The following SPECC1L variants were observed in gnomAD, a reference collection of about 807,000 sequenced individuals.
SPECC1L encodes sperm antigen with calponin homology and coiled-coil domains 1 like, also known as cytospin-A.
SPECC1L carries 40 observed loss-of-function variants against 116.8 expected under a neutral mutation model. The ratio of observed to expected loss-of-function variants is 0.34; its 90% CI spans 0.27 to 0.45. The LOEUF (loss-of-function observed/expected upper bound fraction) is 0.45. Among genes scored for constraint, SPECC1L ranks in the 20% least tolerant of loss-of-function variants. SPECC1L has a pLI of 1.00. For synonymous variants in SPECC1L, 504 were observed against 500.6 expected (o/e 1.01, Z -0.09); for missense variants, 1,110 against 1,373.6 (o/e 0.81, Z 3.03).
intron 8 of SPECC1L, among the ~76,000 whole-genome samples, chr22:24,331,280 A>G (rs918340422): frequency 4.6e-5 from 7 of 152,238 alleles, no homozygotes; most frequent in Non-Finnish European, 8.8e-5. Context: ...AACTAACAGT[A>G]TATCTTTAAA....
At chr22:24,396,223 G>C (rs1374907812) in intron 14 of SPECC1L, among the ~76,000 whole-genome samples, 1 of 152,042 alleles carries the variant, frequency 6.6e-6, no homozygotes, top group African/African-American at 2.4e-5. Context: ...CACAACCAGA[G>C]AGGTAGTTAA....
intron 9 of SPECC1L, among the ~76,000 whole-genome samples, chr22:24,335,993 T>A (rs1003337352): frequency 2.6e-5 from 4 of 152,114 alleles, no homozygotes; most frequent in Non-Finnish European, 4.4e-5. Flanking sequence ...TATGTATACA[T>A]ATGTATACAT....
chr22:24,303,363 G>C (rs886671458), intron 3 of SPECC1L, among the ~76,000 whole-genome samples: 1 of 152,186 alleles, frequency 6.6e-6, no homozygotes, highest in African/African-American at 2.4e-5. Flanking sequence ...GTATCATTCT[G>C]TGACCTGGAG....
At chr22:24,370,504 G>A (rs565096006) in intron 14 of SPECC1L, among the ~76,000 whole-genome samples, 1 of 152,308 alleles carries the variant, frequency 6.6e-6, no homozygotes, top group African/African-American at 2.4e-5. Context: ...AACTGCTGTG[G>A]AAAATAGTAT....
intron 14 of SPECC1L, among the ~76,000 whole-genome samples, chr22:24,407,635 C>G (rs1460775868): frequency 2.0e-5 from 3 of 152,210 alleles, no homozygotes; most frequent in Non-Finnish European, 4.4e-5. Context: ...GAGCTCCACA[C>G]GTTATTAAGA....
chr22:24,283,754 A>C (rs1010479010), intron 2 of SPECC1L, among the ~76,000 whole-genome samples: 1 of 152,228 alleles, frequency 6.6e-6, no homozygotes, highest in Non-Finnish European at 1.5e-5. Context: ...TTCAATAACT[A>C]TAGAGCTATT....
At chr22:24,301,461 C>G (rs1365974216) in intron 2 of SPECC1L, among the ~76,000 whole-genome samples, 2 of 152,186 alleles carry the variant, frequency 1.3e-5, no homozygotes, top group African/African-American at 4.8e-5. Context: ...ACATACTGAA[C>G]ATCGTAGCTT....
At chr22:24,385,168 A>G (rs1041810839) in intron 14 of SPECC1L, among the ~76,000 whole-genome samples, 44 of 152,036 alleles carry the variant, frequency 2.9e-4, no homozygotes, top group African/African-American at 1.0e-3. Context: ...TTGATAAAAT[A>G]TATATTTTTT....
At chr22:24,326,316 A>G (rs778250696) in intron 6 of SPECC1L, among the ~76,000 whole-genome samples, 9 of 152,354 alleles carry the variant, frequency 5.9e-5, no homozygotes, top group Non-Finnish European at 1.2e-4. Context: ...TCAACATTAG[A>G]AATTTTTCAG....
intron 14 of SPECC1L, among the ~76,000 whole-genome samples, chr22:24,407,505 G>A (rs1273198259): frequency 1.3e-5 from 2 of 152,218 alleles, no homozygotes; most frequent in Admixed American, 1.3e-4. Flanking sequence ...CCACGACCCT[G>A]CCAGAGCTGC....
chr22:24,303,107 G>A (rs993862198), intron 3 of SPECC1L, among the ~76,000 whole-genome samples: 1 of 152,078 alleles, frequency 6.6e-6, no homozygotes, highest in East Asian at 1.9e-4. Context: ...AGAGGTGTGC[G>A]TATGCATGCA....
chr22:24,352,946 T>C (rs2041455509), intron 11 of SPECC1L, among the ~76,000 whole-genome samples: 1 of 152,228 alleles, frequency 6.6e-6, no homozygotes, highest in African/African-American at 2.4e-5. Flanking sequence ...GGCATTCTTT[T>C]ATATTTGCTT....
intron 2 of SPECC1L, among the ~76,000 whole-genome samples, chr22:24,291,251 C>G (rs1601503983): frequency 2.0e-5 from 3 of 152,206 alleles, no homozygotes; most frequent in Admixed American, 2.0e-4. Context: ...TCTGAAAGTA[C>G]AGATTATGAA....
At chr22:24,306,804 C>T (rs1374914266) in intron 3 of SPECC1L, among the ~76,000 whole-genome samples, 1 of 152,158 alleles carries the variant, frequency 6.6e-6, no homozygotes, top group Non-Finnish European at 1.5e-5. Context: ...TATAATGACT[C>T]CACATTCCCT....
chr22:24,273,999 C>G (rs1192248407), intron 1 of SPECC1L, among the ~76,000 whole-genome samples: 1 of 152,220 alleles, frequency 6.6e-6, no homozygotes, highest in Non-Finnish European at 1.5e-5. Context: ...CTCAGGTGAT[C>G]CGCCTGCCTT....
At chr22:24,373,805 C>G (rs1447074170) in intron 14 of SPECC1L, among the ~76,000 whole-genome samples, 3 of 152,006 alleles carry the variant, frequency 2.0e-5, no homozygotes, top group Non-Finnish European at 4.4e-5. Flanking sequence ...AGCTTCTGCA[C>G]AGCAAAAGAA....
In SPECC1L at chr22:24,338,490, A is replaced by T. The variant is rs1358506334; in HGVS notation, c.2652+13A>T. On this transcript the variant is annotated intron_variant, in intron 10 of 16. Transcript: ENST00000314328. The stretch of plus-strand genomic sequence containing the variant: ...GTCCCCTATGCAGGTGAGTGCCTGG[A>T]ACCACAGGAGGCTCTTAGAGCCTCA... The T allele has an allele frequency of 1.2e-6, 2 of 1,612,722 alleles. No homozygotes were observed. Among genetic ancestry groups the T allele is most frequent in the Admixed American group, 1.7e-5 (1 of 60,022 alleles).
At chr22:24,411,462 C>A in intron 14 of SPECC1L, 126 bp from the exon 15 acceptor site, 1 of 855,288 alleles carries the variant, frequency 1.2e-6, no homozygotes, top group Non-Finnish European at 2.0e-6. Context: ...ACACAGCCGC[C>A]CTGCCCTGGT....
In SPECC1L at chr22:24,322,091, T is replaced by A; in HGVS notation, c.1111T>A (p.Ser371Thr). Residue 371 changes from serine to threonine, a missense_variant, in exon 5 of 17, where the codon TCG (serine) becomes ACG (threonine). Coordinates refer to ENST00000314328, the MANE Select transcript of SPECC1L (RefSeq NM_015330.6). ...GCTGGATGCACCATCCTCCTCAGAG[T>A]CGGAAGGCATCCCCAGCATAGAGCG... ...DALDAPSSSE[S>T]EGIPSIERSR... The A allele has an allele frequency of 6.2e-7, 1 of 1,613,890 alleles. No homozygotes were observed. The highest frequency in any genetic ancestry group is 8.5e-7 in the Non-Finnish European group (1 of 1,179,986).
Sources: allele counts gnomAD v4.1 joint callset (sites outside exome capture counted in the v4.1 genomes callset), GRCh38; gene constraint gnomAD v4.1.1; transcripts MANE v1.5; gene names NCBI Gene and HGNC (gene_info 2026-07-23, HGNC 2026-07-21).